JADE2: variants seen among roughly 807,000 people sequenced by gnomAD.
JADE2 encodes the protein E3 ubiquitin-protein ligase Jade-2.
A neutral mutation model predicts 85.7 loss-of-function variants in JADE2; 13 were observed. The ratio of observed to expected loss-of-function variants is 0.15; its 90% confidence interval spans 0.10 to 0.24. JADE2 has a LOEUF of 0.24. Ranked by LOEUF, JADE2 falls within the 10% of genes least tolerant of loss-of-function variation. The probability of loss-of-function intolerance (pLI) is 1.00; values close to 1 mark genes in which losing one functional copy is unlikely to be tolerated. For missense variants in JADE2, 846 were observed against 1,115.9 expected (o/e 0.76, Z 3.45); for synonymous variants, 440 against 456.1 (o/e 0.96, Z 0.45).
chr5:134,549,010 C>T (rs1283052367), intron 3 of JADE2, among the ~76,000 whole-genome samples: 3 of 152,034 alleles, frequency 2.0e-5, no homozygotes, highest in Admixed American at 1.3e-4. Context: ...GAGAGGCCCT[C>T]GTATGCAGTG....
chr5:134,553,595 G>A (rs537694169), intron 4 of JADE2, among the ~76,000 whole-genome samples: 4 of 152,056 alleles, frequency 2.6e-5, no homozygotes, highest in Non-Finnish European at 5.9e-5. Context: ...CTCATGATCC[G>A]CCCTCCTCGG....
chr5:134,528,344 A>G (rs1009353859), intron 1 of JADE2, among the ~76,000 whole-genome samples: 2 of 151,236 alleles, frequency 1.3e-5, no homozygotes, highest in African/African-American at 2.4e-5. Context: ...TTTCTTTCTC[A>G]CCTTAGGGCC....
At chr5:134,526,182 T>C (rs998079023) in intron 1 of JADE2, 171 bp downstream of exon 1, 2 of 985,326 alleles carry the variant, frequency 2.0e-6, no homozygotes, top group South Asian at 9.4e-5. Context: ...AGGGGGGGGA[T>C]GCACAGCACA....
intron 3 of JADE2, among the ~76,000 whole-genome samples, chr5:134,540,678 A>C (rs1346094342): frequency 6.6e-6 from 1 of 152,166 alleles, no homozygotes; most frequent in African/African-American, 2.4e-5. Flanking sequence ...TCTTTCGAGA[A>C]TCCCACCTAT....
intron 3 of JADE2, among the ~76,000 whole-genome samples, chr5:134,550,682 T>G (rs1421757502): frequency 6.6e-6 from 1 of 152,134 alleles, no homozygotes; most frequent in Non-Finnish European, 1.5e-5. Flanking sequence ...AATAGCGCTT[T>G]GTGGGGGGAT....
chr5:134,560,826 G>A lies in JADE2; in HGVS notation c.553G>A (p.Ala185Thr). The change falls in exon 6 of 12, where the codon GCC (alanine) becomes ACC (threonine). Residue 185 changes from alanine to threonine, a missense_variant. Around this residue, in one of 9 missense-constraint regions of JADE2, gnomAD observed 129 missense variants for 255.4 expected, o/e 0.51. Transcript: ENST00000681547. ...ETLCHQNMAR[A>T]IETQEGLGIE... ...CCTGTGCCACCAGAATATGGCCAGG[G>A]CCATTGAGACGCAGGAGGGGCTGGG... The A allele has an allele frequency of 1.2e-6, 2 of 1,614,218 alleles. No individual in the cohort carries two copies. Among genetic ancestry groups the A allele is most frequent in the Non-Finnish European group, 1.7e-6 (2 of 1,180,030 alleles).
chr5:134,553,498 T>A (rs1762728395), intron 4 of JADE2, among the ~76,000 whole-genome samples: 2 of 151,984 alleles, frequency 1.3e-5, no homozygotes, highest in Admixed American at 6.6e-5. Context: ...GGATGACAGG[T>A]GCGTGCCACC....
chr5:134,570,861 G>A (rs568448949), intron 9 of JADE2, among the ~76,000 whole-genome samples: 27 of 152,206 alleles, frequency 1.8e-4, no homozygotes, highest in African/African-American at 4.6e-4. Flanking sequence ...TTTGCCCCAC[G>A]TGGGGGTGCT....
intron 2 of JADE2, 123 bp from the exon 3 acceptor site, chr5:134,537,866 C>A: frequency 1.4e-6 from 1 of 696,944 alleles, no homozygotes; most frequent in Admixed American, 2.4e-5. Flanking sequence ...CTAGGTCTCA[C>A]AGAGGTTTCT....
intron 4 of JADE2, 99 bp downstream of exon 4, chr5:134,552,308 T>A: frequency 9.5e-7 from 1 of 1,049,870 alleles, no homozygotes; most frequent in Non-Finnish European, 1.4e-6. Context: ...AATTCCTTTC[T>A]AGTCCATCTC....
At chr5:134,574,027 G>A (rs1184620831) in intron 10 of JADE2, 1 of 543,614 alleles carries the variant, frequency 1.8e-6, no homozygotes, top group African/African-American at 1.9e-5. Flanking sequence ...TGGTTGACTA[G>A]GCCACAGCAG....
At position 134,578,507 on chromosome 5, in the gene JADE2, C is replaced by T; in HGVS notation, c.1695C>T (p.Thr565=). Residue 565 remains threonine, a synonymous_variant, in exon 12 of 12, where the codon ACC becomes ACT. Transcript: ENST00000681547. The surrounding 1 kb of genome is among the most constrained non-coding windows in gnomAD (Gnocchi z 4.4). Reference sequence around the variant, plus strand: ...CTCTCCCCTCAGCAGGCCTGTCCACCTCATTCCCCATCGATGGCACCTTCT... The same window carrying T: ...CTCTCCCCTCAGCAGGCCTGTCCACTTCATTCCCCATCGATGGCACCTTCT... ...SVLGQLAGLS[T]SFPIDGTFFN... 6.3e-7 allele frequency: 1 copy of T among 1,587,426 alleles called. No individual in the cohort carries two copies.
chr5:134,531,680 T>TC, intron 1 of JADE2, among the ~76,000 whole-genome samples: 3 of 152,060 alleles, frequency 2.0e-5, no homozygotes, highest in African/African-American at 7.2e-5. Context: ...TCTCCCAGGT[T>TC]CAAGCAATTC....
Position 134,578,737 on chromosome 5 carries a change from C to G in JADE2, c.1925C>G (p.Thr642Ser). 6.2e-7 allele frequency: 1 copy of G among 1,613,546 alleles called. No homozygotes were observed. The highest frequency in any genetic ancestry group is 8.5e-7 in the Non-Finnish European group (1 of 1,179,964). ...GDPARKARGR[T>S]RLPAKKKPPP... The stretch of plus-strand genomic sequence containing the variant: ...CCTGCTAGGAAGGCCCGAGGCCGCA[C>G]CCGCCTGCCTGCCAAGAAGAAACCA... Residue 642 changes from threonine (T) to serine (S), a missense_variant, in exon 12 of 12, where the codon ACC becomes AGC. This residue lies in a region of JADE2 where 300 missense variants were observed against 300.7 expected (regional missense o/e 1.00). Coordinates refer to ENST00000681547, the MANE Select transcript of JADE2 (RefSeq NM_001388185.1). This position sits in a 1 kb window ranked among gnomAD's most constrained non-coding sequence, Gnocchi z 4.4.
chr5:134,544,031 C>T (rs1762139473), intron 3 of JADE2, among the ~76,000 whole-genome samples: 1 of 152,236 alleles, frequency 6.6e-6, no homozygotes, highest in South Asian at 2.1e-4. Context: ...TGGAGGGCTA[C>T]TGTTTGAGGT....
chr5:134,571,577 A>G lies in JADE2; in HGVS notation c.1435-2068A>G, dbSNP rs146374633. Among the ~76,000 whole-genome samples, 902 of 152,268 alleles carry G rather than the reference A, an allele frequency of 5.9e-3. 10 individuals carry two copies. Among genetic ancestry groups the G allele is most frequent in the African/African-American group, 0.02 (832 of 41,572 alleles). On this transcript the variant is annotated intron_variant, in intron 9 of 11. Transcript: ENST00000681547. ...CCAGGTGTGGTGGCAGGCACCTGTA[A>G]TCCCAGCTACGTGGGAGGCTGAGGC...
chr5:134,564,311 T>G, intron 7 of JADE2, 183 bp from the exon 8 acceptor site: 1 of 513,048 alleles, frequency 1.9e-6, no homozygotes, highest in Non-Finnish European at 3.6e-6. Context: ...CTTGGGAGAG[T>G]GAGGAGGAAT....
Position 134,539,540 on chromosome 5 carries a change from G to T in JADE2, c.153+1457G>T, listed in dbSNP as rs1289219692. Among the ~76,000 whole-genome samples, 3 of 152,222 alleles carry T rather than the reference G, an allele frequency of 2.0e-5. No individual in the cohort carries two copies. In the South Asian group the frequency reaches 6.2e-4, roughly 32 times the overall value. On this transcript the variant is annotated intron_variant, in intron 3 of 11. Coordinates refer to ENST00000681547, the MANE Select transcript of JADE2 (RefSeq NM_001388185.1). ...TAGGACACTGTACTACAGCCAAGAA[G>T]TAGCCAGGCACTGGGGCTGGACACT...
chr5:134,537,853 A>C, intron 2 of JADE2, 136 bp from the exon 3 acceptor site: 1 of 637,418 alleles, frequency 1.6e-6, no homozygotes. Context: ...CAGAGCAGGG[A>C]TACTAGGTCT....
Sources: allele counts gnomAD v4.1 joint callset (sites outside exome capture counted in the v4.1 genomes callset), GRCh38; gene constraint gnomAD v4.1.1; regional missense constraint gnomAD v4.1.1; non-coding constraint Gnocchi (gnomAD v3.1); transcripts MANE v1.5; gene names NCBI Gene and HGNC (gene_info 2026-07-23, HGNC 2026-07-21).